The following SMARCAL1 variants were observed in gnomAD, a reference collection of about 807,000 sequenced individuals.
SMARCAL1 encodes ATP-driven annealing helicase.
SMARCAL1 carries 58 observed loss-of-function variants against 94.5 expected under a neutral mutation model. The ratio of observed to expected loss-of-function variants is 0.61; its 90% CI spans 0.50 to 0.76. The LOEUF is 0.76. Ranked by LOEUF, SMARCAL1 falls within the 30% of genes least tolerant of loss-of-function variation. The pLI is 0.00. For missense variants in SMARCAL1, 1,051 were observed against 1,177.9 expected, an observed-to-expected ratio of 0.89 and a Z score of 1.58; for synonymous variants, 422 against 455.1, an observed-to-expected ratio of 0.93 and a Z score of 0.93.
chr2:216,434,989 G>C (rs879917210), intron 8 of SMARCAL1, among the ~76,000 whole-genome samples: 4 of 151,528 alleles, frequency 2.6e-5, no homozygotes, highest in South Asian at 2.1e-4. Context: ...CTTCCGAGTA[G>C]CTGGGATTAC....
rs1694060940 is a variant in SMARCAL1, at chr2:216,435,454, G to T, written c.1602G>T (p.Lys534Asn). The T allele has an allele frequency of 1.9e-6, 3 of 1,614,066 alleles. No individual in the cohort carries two copies. Among genetic ancestry groups the T allele is most frequent in the African/African-American group, 2.7e-5 (2 of 74,922 alleles). ...INIVSFDLLSKLEKQLKTPFK... is the reference protein window; with the variant it reads ...INIVSFDLLSNLEKQLKTPFK... Reference sequence around the variant, plus strand: ...TTGTCAGCTTTGACCTTCTTAGCAAGTTGGAAAAACAGCTAAAAACCCCTT... The same window carrying T: ...TTGTCAGCTTTGACCTTCTTAGCAATTTGGAAAAACAGCTAAAAACCCCTT... The change falls in exon 9 of 18, where the codon AAG becomes AAT. Residue 534 changes from lysine (K) to asparagine (N), a missense_variant. By Grantham distance (94) the Lys-to-Asn change is moderately conservative. Coordinates refer to ENST00000357276, the MANE Select transcript of SMARCAL1 (RefSeq NM_014140.4).
chr2:216,441,212 C>T (rs1705105), intron 10 of SMARCAL1, among the ~76,000 whole-genome samples: 9,737 of 152,064 alleles, frequency 0.064, 735 homozygotes, highest in African/African-American at 0.17. Context: ...AGGGCCAGAT[C>T]GTGTCCAGAA....
At chr2:216,456,983 A>C (rs925535755) in intron 12 of SMARCAL1, among the ~76,000 whole-genome samples, 3 of 152,230 alleles carry the variant, frequency 2.0e-5, no homozygotes, top group African/African-American at 7.2e-5. Flanking sequence ...GCTCAAAATA[A>C]AGGGATGGAG....
chr2:216,416,701 C>CA (rs1693611439), intron 4 of SMARCAL1, among the ~76,000 whole-genome samples: 1 of 152,218 alleles, frequency 6.6e-6, no homozygotes, highest in South Asian at 2.1e-4. Flanking sequence ...TCAGACTACA[C>CA]GTTCCCACCA....
At chr2:216,465,408 T>A (rs968854606) in intron 13 of SMARCAL1, among the ~76,000 whole-genome samples, 11 of 152,206 alleles carry the variant, frequency 7.2e-5, no homozygotes, top group Non-Finnish European at 1.5e-5. Context: ...AGCTGCCTTA[T>A]GGGGATACTT....
Position 216,420,500 on chromosome 2 carries a change from C to A in SMARCAL1, c.1064C>A (p.Ala355Glu), listed in dbSNP as rs772913825. The change falls in exon 5 of 18, where the codon GCG (alanine) becomes GAG (glutamate). Residue 355 changes from alanine to glutamate, a missense_variant. By Grantham distance (107) the Ala-to-Glu change is moderately radical. Transcript: ENST00000357276. ...ADISYSQDLIALFKQMDSRRY... is the reference protein window; with the variant it reads ...ADISYSQDLIELFKQMDSRRY... ...ATCAGTTATTCACAGGACCTTATTG[C>A]GCTTTTTAAACAGATGGATTCCAGA... The A allele has an allele frequency of 1.9e-6, 3 of 1,613,946 alleles. No homozygotes were observed. Among genetic ancestry groups the A allele is most frequent in the Admixed American group, 1.7e-5 (1 of 60,008 alleles).
intron 7 of SMARCAL1, among the ~76,000 whole-genome samples, chr2:216,429,049 A>C (rs991923630): frequency 6.6e-6 from 1 of 152,258 alleles, no homozygotes; most frequent in Non-Finnish European, 1.5e-5. Context: ...GAGATTTCTC[A>C]GTGCCTGTAA....
chr2:216,453,569 C>A (rs921131362), intron 12 of SMARCAL1, among the ~76,000 whole-genome samples: 7 of 152,204 alleles, frequency 4.6e-5, no homozygotes, highest in African/African-American at 1.7e-4. Context: ...GGAGGCTGGA[C>A]TAGATGACCA....
chr2:216,430,697 C>G (rs1693942652), intron 7 of SMARCAL1, among the ~76,000 whole-genome samples: 1 of 152,188 alleles, frequency 6.6e-6, no homozygotes, highest in Non-Finnish European at 1.5e-5. Context: ...CCATTCTGCT[C>G]TAAGGATGCG....
At chr2:216,457,340 T>C (rs542034948) in intron 12 of SMARCAL1, among the ~76,000 whole-genome samples, 1 of 152,204 alleles carries the variant, frequency 6.6e-6, no homozygotes, top group African/African-American at 2.4e-5. Flanking sequence ...CAAGCGGACC[T>C]AATAGACATC....
intron 4 of SMARCAL1, among the ~76,000 whole-genome samples, chr2:216,418,019 C>T (rs1432511509): frequency 6.6e-6 from 1 of 152,044 alleles, no homozygotes; most frequent in Non-Finnish European, 1.5e-5. Flanking sequence ...CTTCCGGGTT[C>T]AAGTGATTCT....
chr2:216,481,640 A>G (rs1254478561), intron 17 of SMARCAL1, among the ~76,000 whole-genome samples: 1 of 151,870 alleles, frequency 6.6e-6, no homozygotes, highest in Non-Finnish European at 1.5e-5. Flanking sequence ...AATAGCTGGG[A>G]CTACAGGCAC....
chr2:216,435,516 C>CT lies in SMARCAL1; in HGVS notation c.1644+23dup. On this transcript the variant is annotated intron_variant, in intron 9 of 17. Coordinates refer to ENST00000357276, the MANE Select transcript of SMARCAL1 (RefSeq NM_014140.4). Reference sequence around the variant, plus strand: ...ATCATTGTAAGAAACTTGGCAAAGTCTTTAAGTACTTTATCTCTCTGGAAA... The same window carrying CT: ...ATCATTGTAAGAAACTTGGCAAAGTCTTTTAAGTACTTTATCTCTCTGGAAA... 1 of 1,604,442 alleles carries CT rather than the reference C, an allele frequency of 6.2e-7. No homozygotes were observed. The highest frequency in any genetic ancestry group is 1.3e-5 in the African/African-American group (1 of 74,832).
intron 16 of SMARCAL1, among the ~76,000 whole-genome samples, chr2:216,477,555 G>A (rs1039314001): frequency 5.9e-5 from 9 of 152,172 alleles, no homozygotes; most frequent in Non-Finnish European, 2.9e-5. Flanking sequence ...CATTTGTTAG[G>A]ACAGGGTGAC....
At chr2:216,474,337 G>A (rs1173139854) in intron 14 of SMARCAL1, among the ~76,000 whole-genome samples, 57 of 146,872 alleles carry the variant, frequency 3.9e-4, no homozygotes, top group African/African-American at 1.3e-3. Flanking sequence ...GCGGGGTTCC[G>A]CCATGTTGGC....
In SMARCAL1 at chr2:216,472,501, T is replaced by G. The variant is rs59890553; in HGVS notation, c.2245-2768T>G. Among the ~76,000 whole-genome samples the G allele has an allele frequency of 8.9e-3, 1,353 of 152,218 alleles. 25 individuals carry two copies. The highest frequency in any genetic ancestry group is 0.03 in the African/African-American group (1,249 of 41,558). Reference sequence around the variant, plus strand: ...TCTGTATTTTTGCAATGAGTGTGTATTATTTTTATAATAAGAAAAATTACA... The same window carrying G: ...TCTGTATTTTTGCAATGAGTGTGTAGTATTTTTATAATAAGAAAAATTACA... On this transcript the variant is annotated intron_variant, in intron 14 of 17. Coordinates refer to ENST00000357276, the MANE Select transcript of SMARCAL1 (RefSeq NM_014140.4).
At chr2:216,465,662 C>T (rs1424092640) in intron 13 of SMARCAL1, among the ~76,000 whole-genome samples, 1 of 151,904 alleles carries the variant, frequency 6.6e-6, no homozygotes, top group Non-Finnish European at 1.5e-5. Context: ...AGAAACCTGG[C>T]AATTCTAATG....
At chr2:216,438,599 G>C in intron 10 of SMARCAL1, 114 bp downstream of exon 10, 2 of 863,526 alleles carry the variant, frequency 2.3e-6, no homozygotes, top group East Asian at 5.2e-5. Flanking sequence ...TGTGGGCCAT[G>C]GTCATGACTT....
chr2:216,427,882 T>G (rs765678988), intron 6 of SMARCAL1, among the ~76,000 whole-genome samples: 2 of 152,208 alleles, frequency 1.3e-5, no homozygotes, highest in Non-Finnish European at 2.9e-5. Flanking sequence ...TGTACGTGTA[T>G]GAAATAGAGA....
Sources: gnomAD v4.1 joint callset for allele counts (sites outside exome capture counted in the v4.1 genomes callset) on GRCh38, gnomAD v4.1.1 for gene constraint, MANE v1.5 for transcripts, NCBI Gene and HGNC (gene_info 2026-07-23, HGNC 2026-07-21) for gene names.